The following ROBO1 variants were observed in gnomAD, a reference collection of about 807,000 sequenced individuals.
The protein encoded by ROBO1 is roundabout guidance receptor 1.
Under a neutral mutation model 195.9 loss-of-function variants are expected in ROBO1, and 149 were observed. That is an observed-to-expected ratio of 0.76 (90% confidence interval 0.67 to 0.87). The LOEUF (loss-of-function observed/expected upper bound fraction) is 0.87. Among genes scored for constraint, ROBO1 ranks in the 40% least tolerant of loss-of-function variants. The pLI is 0.00. For missense variants in ROBO1, 1,933 were observed against 2,068.3 expected, an observed-to-expected ratio of 0.93 and a Z score of 1.27; for synonymous variants, 816 against 733.2, an observed-to-expected ratio of 1.11 and a Z score of -1.82.
At chr3:79,744,683 G>C (rs1002980206) in intron 1 of ROBO1, among the ~76,000 whole-genome samples, 2 of 152,046 alleles carry the variant, frequency 1.3e-5, no homozygotes, top group East Asian at 3.9e-4. Flanking sequence ...TTATTGTATT[G>C]TGTTATAGAA....
intron 2 of ROBO1, among the ~76,000 whole-genome samples, chr3:79,293,673 A>G (rs1258674430): frequency 6.6e-6 from 1 of 152,176 alleles, no homozygotes; most frequent in Non-Finnish European, 1.5e-5. Context: ...GGAAGAATCA[A>G]TATCGTGAAA....
intron 1 of ROBO1, among the ~76,000 whole-genome samples, chr3:79,674,307 C>G (rs778687167): frequency 1.3e-5 from 2 of 151,888 alleles, no homozygotes; most frequent in African/African-American, 4.8e-5. Flanking sequence ...CACTGAAGAA[C>G]ACGTGGCTGT....
intron 2 of ROBO1, among the ~76,000 whole-genome samples, chr3:79,217,248 T>C (rs1483778719): frequency 1.3e-5 from 2 of 152,078 alleles, no homozygotes; most frequent in Non-Finnish European, 2.9e-5. Context: ...TTGCCTAAAC[T>C]GATAAAACAT....
At chr3:78,821,646 A>G (rs142905654) in intron 4 of ROBO1, among the ~76,000 whole-genome samples, 105 of 152,316 alleles carry the variant, frequency 6.9e-4, no homozygotes, top group African/African-American at 2.4e-3. Context: ...ACAGATTGAT[A>G]ATAATAACAT....
chr3:78,639,808 G>A lies in ROBO1; in HGVS notation c.2973C>T (p.Ser991=), dbSNP rs35926083. 0.048 allele frequency: 77,048 copies of A among 1,613,362 alleles called. 2,200 individuals are homozygous for A. Among genetic ancestry groups the A allele is most frequent in the South Asian group, 0.08 (7,244 of 91,022 alleles). ...PNTGNNHNDC[S]ISCCTAGNGN... The stretch of plus-strand genomic sequence containing the variant: ...CATTGCCTGCCGTGCAGCAGCTGAT[G>A]GAGCAGTCATTGTGGTTGTTGCCAG... The change falls in exon 22 of 31, where the codon TCC becomes TCT. Residue 991 remains serine (S), a synonymous_variant. Transcript: ENST00000464233.
At chr3:78,888,341 T>C (rs564997171) in intron 4 of ROBO1, among the ~76,000 whole-genome samples, 1 of 152,338 alleles carries the variant, frequency 6.6e-6, no homozygotes, top group African/African-American at 2.4e-5. Flanking sequence ...GGAATTGTTA[T>C]AGGTATGAGT....
At chr3:79,310,833 T>A (rs2033452246) in intron 2 of ROBO1, among the ~76,000 whole-genome samples, 1 of 152,218 alleles carries the variant, frequency 6.6e-6, no homozygotes, top group African/African-American at 2.4e-5. Context: ...ATAGTTGTAA[T>A]GCATTTTCTG....
At chr3:78,793,135 CA>C (rs34409991) in intron 4 of ROBO1, among the ~76,000 whole-genome samples, 129,829 of 139,522 alleles carry the variant, frequency 0.93, 60,674 homozygotes, top group East Asian at 0.99. Flanking sequence ...AAAACAAAAC[CA>C]AAAAAAAAAA....
chr3:79,671,598 A>G (rs1946633817), intron 1 of ROBO1, among the ~76,000 whole-genome samples: 1 of 151,938 alleles, frequency 6.6e-6, no homozygotes, highest in Non-Finnish European at 1.5e-5. Context: ...TTGAAACAAC[A>G]AAAATACATT....
chr3:79,110,036 G>A (rs2079857360), intron 3 of ROBO1, among the ~76,000 whole-genome samples: 1 of 151,998 alleles, frequency 6.6e-6, no homozygotes, highest in South Asian at 2.1e-4. Flanking sequence ...ATAGAAGCGA[G>A]ATTTCCTGGA....
At chr3:78,858,862 G>A (rs963695927) in intron 4 of ROBO1, among the ~76,000 whole-genome samples, 2 of 151,348 alleles carry the variant, frequency 1.3e-5, no homozygotes, top group African/African-American at 4.9e-5. Flanking sequence ...TTCATCTAAT[G>A]AAATAAATAT....
At chr3:79,510,552 C>CTT (rs11293666) in intron 2 of ROBO1, among the ~76,000 whole-genome samples, 8,491 of 144,424 alleles carry the variant, frequency 0.059, 609 homozygotes, top group African/African-American at 0.17. Flanking sequence ...ATCCTTTCTT[C>CTT]TTTTTTTTTT....
At chr3:79,061,016 G>T (rs1475451315) in intron 3 of ROBO1, among the ~76,000 whole-genome samples, 3 of 152,112 alleles carry the variant, frequency 2.0e-5, no homozygotes, top group Non-Finnish European at 4.4e-5. Flanking sequence ...CAGGCCAAGA[G>T]AAATAAATAA....
chr3:79,647,106 T>C (rs1387015742), intron 1 of ROBO1, among the ~76,000 whole-genome samples: 1 of 152,082 alleles, frequency 6.6e-6, no homozygotes, highest in Non-Finnish European at 1.5e-5. Context: ...ACGAATTATT[T>C]AATGTAAGGT....
At chr3:79,143,755 C>A (rs907005118) in intron 2 of ROBO1, among the ~76,000 whole-genome samples, 1 of 151,912 alleles carries the variant, frequency 6.6e-6, no homozygotes, top group Non-Finnish European at 1.5e-5. Flanking sequence ...AGTACAGTAT[C>A]GCAAACAGGA....
intron 2 of ROBO1, among the ~76,000 whole-genome samples, chr3:79,292,203 C>A (rs1432054575): frequency 6.6e-6 from 1 of 152,080 alleles, no homozygotes; most frequent in Admixed American, 6.6e-5. Flanking sequence ...ATAGGAAAGT[C>A]TGTGATTTTT....
intron 2 of ROBO1, among the ~76,000 whole-genome samples, chr3:79,418,646 C>T (rs1050817405): frequency 1.1e-4 from 17 of 152,108 alleles, no homozygotes; most frequent in African/African-American, 3.6e-4. Flanking sequence ...AAACAGGCTA[C>T]TAGCAGGCAC....
At chr3:78,619,044 T>A (rs1704294979) in intron 26 of ROBO1, among the ~76,000 whole-genome samples, 1 of 151,976 alleles carries the variant, frequency 6.6e-6, no homozygotes, top group South Asian at 2.1e-4. Flanking sequence ...ATTAAAAGAG[T>A]GCCATCAAAA....
At chr3:79,270,179 T>TTCTCTCTCTCTCTCTCTC (rs138141200) in intron 2 of ROBO1, among the ~76,000 whole-genome samples, 1 of 140,782 alleles carries the variant, frequency 7.1e-6, no homozygotes, top group African/African-American at 2.7e-5. Flanking sequence ...ATACATAATG[T>TTCTCTCTCTCTCTCTCTC]TCTCTCTCTC....
Sources: gnomAD v4.1 joint callset for allele counts (sites outside exome capture counted in the v4.1 genomes callset) on GRCh38, gnomAD v4.1.1 for gene constraint, MANE v1.5 for transcripts, NCBI Gene and HGNC (gene_info 2026-07-23, HGNC 2026-07-21) for gene names.